Variants in KANK1 observed in about 807,000 individuals in gnomAD.
The protein encoded by KANK1 is KN motif and ankyrin repeat domain-containing protein 1.
KANK1 carries 109 observed loss-of-function variants against 106.2 expected under a neutral mutation model. The ratio of observed to expected loss-of-function variants is 1.03; its 90% CI spans 0.88 to 1.20. The LOEUF is 1.20. KANK1 is among the 50% of genes most tolerant of loss of function. The pLI is 0.00. For missense variants in KANK1, 2,399 were observed against 1,710.7 expected, an observed-to-expected ratio of 1.40 and a Z score of -7.10; for synonymous variants, 873 against 652.2, an observed-to-expected ratio of 1.34 and a Z score of -5.16.
At chr9:673,098 C>T (rs941818082) in intron 1 of KANK1, among the ~76,000 whole-genome samples, 2 of 151,934 alleles carry the variant, frequency 1.3e-5, no homozygotes, top group Non-Finnish European at 2.9e-5. Context: ...AATTTGAGGC[C>T]GCCTGTCAGC....
At chr9:625,755 C>G (rs1834186556) in intron 1 of KANK1, among the ~76,000 whole-genome samples, 1 of 152,160 alleles carries the variant, frequency 6.6e-6, no homozygotes, top group Non-Finnish European at 1.5e-5. Context: ...TCTCCTTGAT[C>G]AAACATGGAC....
chr9:737,053 T>TTAAAG (rs1833987124), intron 7 of KANK1, among the ~76,000 whole-genome samples: 1 of 152,286 alleles, frequency 6.6e-6, no homozygotes, highest in African/African-American at 2.4e-5. Flanking sequence ...GTGAAAGTGT[T>TTAAAG]TAAAGTATTG....
At chr9:615,789 G>C (rs933444054) in intron 1 of KANK1, among the ~76,000 whole-genome samples, 3 of 152,208 alleles carry the variant, frequency 2.0e-5, no homozygotes, top group African/African-American at 4.8e-5. Context: ...TGGTAGAGGA[G>C]ATCCCAAGTG....
At chr9:698,704 T>C (rs1430782945) in intron 2 of KANK1, among the ~76,000 whole-genome samples, 1 of 152,190 alleles carries the variant, frequency 6.6e-6, no homozygotes, top group East Asian at 1.9e-4. Flanking sequence ...CTTATCTTAC[T>C]ATTACCACTT....
At position 744,621 on chromosome 9, in the gene KANK1, G is replaced by C. The variant is rs761468826; in HGVS notation, c.3996+32G>C. The C allele has an allele frequency of 3.7e-6, 6 of 1,613,922 alleles. No homozygotes were observed. In the Admixed American group the frequency reaches 6.7e-5, roughly 18 times the overall value. On this transcript the variant is annotated intron_variant, in intron 11 of 11. Coordinates refer to ENST00000382297, the MANE Select transcript of KANK1 (RefSeq NM_015158.5). ...GTTGTGCATTTGGCATTTGTAAATAGGCTGAAATCCACCAGACTGGTGGAC... is the reference window on the plus strand; with the variant it reads ...GTTGTGCATTTGGCATTTGTAAATACGCTGAAATCCACCAGACTGGTGGAC...
intron 1 of KANK1, among the ~76,000 whole-genome samples, chr9:605,179 T>C (rs1828777738): frequency 1.3e-5 from 2 of 150,618 alleles, no homozygotes; most frequent in Non-Finnish European, 2.9e-5. Context: ...TACGCGCCTG[T>C]AATCCCAGCT....
intron 1 of KANK1, among the ~76,000 whole-genome samples, chr9:558,219 T>A (rs1815380615): frequency 6.6e-6 from 1 of 152,182 alleles, no homozygotes; most frequent in African/African-American, 2.4e-5. Flanking sequence ...TTCTGTTATA[T>A]AAATAGGATA....
chr9:550,689 T>C (rs796425578), intron 1 of KANK1, among the ~76,000 whole-genome samples: 19 of 152,368 alleles, frequency 1.2e-4, no homozygotes, highest in African/African-American at 4.3e-4. Flanking sequence ...TGCAAGGTAG[T>C]GGCCAGCAGC....
chr9:604,730 T>C (rs1563844545), intron 1 of KANK1, among the ~76,000 whole-genome samples: 1 of 151,730 alleles, frequency 6.6e-6, no homozygotes, highest in East Asian at 1.9e-4. Context: ...TTCGGGAAGC[T>C]GAGGCAGGAG....
chr9:528,249 T>C (rs2059893725), intron 1 of KANK1, among the ~76,000 whole-genome samples: 1 of 152,074 alleles, frequency 6.6e-6, no homozygotes, highest in Non-Finnish European at 1.5e-5. Flanking sequence ...ACTGGGAACT[T>C]AATGTTTTTC....
Position 660,634 on chromosome 9 carries a change from T to G in KANK1, c.-83-16256T>G, listed in dbSNP as rs1487447805. Among the ~76,000 whole-genome samples the G allele has an allele frequency of 2.0e-5, 3 of 152,170 alleles. No individual in the cohort carries two copies. The East Asian group carries it at 5.8e-4, about 29-fold the overall frequency. ...CCCTAAGATCATAGACAACTACGTC[T>G]GGCCAGAAGCTCCTCCGCTCTCCCT... On this transcript the variant is annotated intron_variant, in intron 1 of 11. Transcript: ENST00000382297.
intron 1 of KANK1, among the ~76,000 whole-genome samples, chr9:596,320 G>A (rs187019937): frequency 2.0e-5 from 3 of 151,964 alleles, no homozygotes; most frequent in Admixed American, 2.0e-4. Flanking sequence ...GGCTCTAGAA[G>A]CAGCCATGGT....
intron 3 of KANK1, among the ~76,000 whole-genome samples, chr9:719,704 T>C (rs1452306139): frequency 6.6e-6 from 1 of 152,174 alleles, no homozygotes; most frequent in African/African-American, 2.4e-5. Flanking sequence ...GACTGGAGAA[T>C]TGATCTCTTT....
intron 2 of KANK1, among the ~76,000 whole-genome samples, chr9:690,376 T>G (rs1819630214): frequency 6.7e-6 from 1 of 149,094 alleles, no homozygotes; most frequent in Admixed American, 6.7e-5. Flanking sequence ...AGTACCAAAA[T>G]AGTATGCATT....
At chr9:495,368 G>A (rs1587256413) in intron 3 of KANK1, 1 of 152,280 alleles carries the variant, frequency 6.6e-6, no homozygotes. Flanking sequence ...ATCAAATACA[G>A]CCTTCAATAA....
chr9:528,671 A>G (rs899202870), intron 1 of KANK1, among the ~76,000 whole-genome samples: 1 of 151,800 alleles, frequency 6.6e-6, no homozygotes, highest in Non-Finnish European at 1.5e-5. Context: ...TATTTTTAGT[A>G]GAGACCTGGT....
chr9:502,454 A>C (rs991560819), upstream of KANK1, among the ~76,000 whole-genome samples: 36 of 152,182 alleles, frequency 2.4e-4, no homozygotes, highest in African/African-American at 7.9e-4. Context: ...GGGCCTATCA[A>C]TGTTTACTGA....
In KANK1 at chr9:745,316, T is replaced by A. The variant is rs1836913062; in HGVS notation, c.*81T>A. On this transcript the variant is annotated 3_prime_UTR_variant, in exon 12 of 12. Coordinates refer to ENST00000382297, the MANE Select transcript of KANK1 (RefSeq NM_015158.5). ...GTTGGGGTGACAGATACTGAATGTA[T>A]ACGTATTGTGCCTGAGCTCACCAGC... 1.3e-6 allele frequency: 2 copies of A among 1,556,054 alleles called. No individual in the cohort carries two copies. Among genetic ancestry groups the A allele is most frequent in the Middle Eastern group, 1.7e-4 (1 of 5,934 alleles).
At chr9:741,755 G>T (rs1369254624) in intron 9 of KANK1, among the ~76,000 whole-genome samples, 2 of 151,980 alleles carry the variant, frequency 1.3e-5, no homozygotes, top group Non-Finnish European at 2.9e-5. Context: ...CTGAAGTGCT[G>T]GGATTACAGG....
Sources: gnomAD v4.1 joint callset for allele counts (sites outside exome capture counted in the v4.1 genomes callset) on GRCh38, gnomAD v4.1.1 for gene constraint, MANE v1.5 for transcripts, NCBI Gene and HGNC (gene_info 2026-07-23, HGNC 2026-07-21) for gene names.